NAALADL2: variants seen among roughly 807,000 people sequenced by gnomAD.
NAALADL2 encodes N-acetylated alpha-linked acidic dipeptidase like 2.
A neutral mutation model predicts 87.2 loss-of-function variants in NAALADL2; 76 were observed. The observed-to-expected ratio is 0.87, with a 90% CI of 0.72 to 1.05. NAALADL2 has a LOEUF of 1.05. Among genes scored for constraint, NAALADL2 ranks in the 50% least tolerant of loss-of-function variants. The pLI is 0.00. For synonymous variants in NAALADL2, 354 were observed against 331.0 expected (o/e 1.07, Z -0.75); for missense variants, 1,089 against 945.8 (o/e 1.15, Z -1.99).
At position 175,094,753 on chromosome 3, in the gene NAALADL2, CTATAGTGTGTGTG is replaced by C. The variant is rs767819240; in HGVS notation, c.44-2035_44-2023del. On this transcript the variant is annotated intron_variant, in intron 1 of 13. Coordinates refer to ENST00000454872, the MANE Select transcript of NAALADL2 (RefSeq NM_207015.3). ...AATGTTAAAAAAAAAGCACCAGACA[CTATAGTGTGTGTG>C]TGTGTGTGTGTGTGTGTGTGTGTGA... 5.5e-4 allele frequency among the ~76,000 whole-genome samples: 41 copies of C among 74,444 alleles called. No homozygotes were observed. In the South Asian group the frequency reaches 0.013, roughly 24 times the overall value. The allele number at this position is 74,444 out of a possible 152,430, so 48.8% of individuals were successfully genotyped here.
chr3:175,190,851 G>A (rs531135532), intron 2 of NAALADL2, among the ~76,000 whole-genome samples: 5 of 151,846 alleles, frequency 3.3e-5, no homozygotes, highest in Admixed American at 6.6e-5. Flanking sequence ...GGTGGCGGGC[G>A]CCTGTAGTCC....
At chr3:174,986,237 G>GTA (rs1161944001) in intron 1 of NAALADL2, among the ~76,000 whole-genome samples, 2 of 146,372 alleles carry the variant, frequency 1.4e-5, no homozygotes, top group South Asian at 2.1e-4. Context: ...GTAGATGTGT[G>GTA]TATATATATA....
At chr3:175,193,009 A>G (rs1738435158) in intron 2 of NAALADL2, among the ~76,000 whole-genome samples, 1 of 151,954 alleles carries the variant, frequency 6.6e-6, no homozygotes, top group Non-Finnish European at 1.5e-5. Flanking sequence ...ACTTTTTCAA[A>G]TTCACACACT....
intron 1 of NAALADL2, among the ~76,000 whole-genome samples, chr3:174,933,570 C>G (rs1304213466): frequency 6.6e-6 from 1 of 152,110 alleles, no homozygotes; most frequent in East Asian, 1.9e-4. Flanking sequence ...TTTCTTTCTT[C>G]AGGTAAAATC....
At chr3:174,625,053 C>T (rs1341116461) in intron 2 of NAALADL2, among the ~76,000 whole-genome samples, 8 of 61,888 alleles carry the variant, frequency 1.3e-4, no homozygotes, top group Middle Eastern at 6.9e-3. Context: ...ATCTCTCTCT[C>T]TCTCTTTTTT....
At chr3:175,516,002 A>G (rs1321871598) in intron 9 of NAALADL2, among the ~76,000 whole-genome samples, 1 of 152,244 alleles carries the variant, frequency 6.6e-6, no homozygotes, top group East Asian at 1.9e-4. Flanking sequence ...TAAATAAAGG[A>G]GAGGTATAGT....
chr3:175,295,126 C>G (rs7612110), intron 4 of NAALADL2, among the ~76,000 whole-genome samples: 2 of 151,912 alleles, frequency 1.3e-5, no homozygotes, highest in Admixed American at 6.6e-5. Context: ...AAATGTTAAC[C>G]TGAGTATATA....
intron 11 of NAALADL2, among the ~76,000 whole-genome samples, chr3:175,699,732 CTGAG>C (rs67306398): frequency 0.033 from 4,957 of 152,172 alleles, 265 homozygotes; most frequent in African/African-American, 0.11. Flanking sequence ...TTGAGTGCCA[CTGAG>C]TGACAATTAG....
chr3:175,390,004 CA>C (rs1311439753), intron 5 of NAALADL2, among the ~76,000 whole-genome samples: 2 of 152,074 alleles, frequency 1.3e-5, no homozygotes, highest in African/African-American at 4.8e-5. Flanking sequence ...AAGTAATTCT[CA>C]AGTTAGCAGG....
chr3:175,108,650 T>C (rs1723652217), intron 2 of NAALADL2, among the ~76,000 whole-genome samples: 1 of 151,998 alleles, frequency 6.6e-6, no homozygotes, highest in African/African-American at 2.4e-5. Context: ...AGCTGCTACA[T>C]AGATTTAAAA....
chr3:174,882,731 G>C (rs1307150528), intron 1 of NAALADL2, among the ~76,000 whole-genome samples: 3 of 143,614 alleles, frequency 2.1e-5, no homozygotes, highest in African/African-American at 5.3e-5. Flanking sequence ...GTGTATATGT[G>C]TATCTATGTG....
chr3:175,140,307 GTCAGGTAT>G (rs1418153850), intron 2 of NAALADL2, among the ~76,000 whole-genome samples: 1 of 152,140 alleles, frequency 6.6e-6, no homozygotes, highest in Non-Finnish European at 1.5e-5. Flanking sequence ...CCCATTAGAT[GTCAGGTAT>G]TCAGGTGGGA....
chr3:174,834,132 C>G (rs1221306952), intron 3 of NAALADL2, among the ~76,000 whole-genome samples: 3 of 147,526 alleles, frequency 2.0e-5, no homozygotes, highest in Non-Finnish European at 4.5e-5. Flanking sequence ...GATTTATTCC[C>G]AAATGCAAGT....
chr3:175,699,992 A>G (rs1057064491), intron 11 of NAALADL2, among the ~76,000 whole-genome samples: 16 of 152,108 alleles, frequency 1.1e-4, no homozygotes, highest in Non-Finnish European at 1.8e-4. Flanking sequence ...ATGACTTCCA[A>G]GCTGTATTTT....
At chr3:175,439,374 G>T (rs926178531) in intron 5 of NAALADL2, among the ~76,000 whole-genome samples, 1 of 151,836 alleles carries the variant, frequency 6.6e-6, no homozygotes, top group African/African-American at 2.4e-5. Flanking sequence ...GGGGTTGCTG[G>T]ATAAAATGGT....
intron 3 of NAALADL2, among the ~76,000 whole-genome samples, chr3:174,800,781 G>A (rs1045682888): frequency 6.6e-6 from 1 of 152,208 alleles, no homozygotes; most frequent in Non-Finnish European, 1.5e-5. Flanking sequence ...CAGGAGCAGA[G>A]CTGCCCAAGA....
intron 2 of NAALADL2, among the ~76,000 whole-genome samples, chr3:175,204,749 C>T (rs1408351334): frequency 6.6e-6 from 1 of 152,032 alleles, no homozygotes; most frequent in Non-Finnish European, 1.5e-5. Context: ...AGCAAATTTT[C>T]CAAATACAAG....
intron 5 of NAALADL2, among the ~76,000 whole-genome samples, chr3:175,333,100 T>C (rs1017957221): frequency 2.0e-5 from 3 of 152,160 alleles, no homozygotes; most frequent in Admixed American, 6.5e-5. Context: ...GCAGTGGGCA[T>C]GGTGTGGACA....
intron 4 of NAALADL2, among the ~76,000 whole-genome samples, chr3:175,299,921 G>T (rs950876595): frequency 5.3e-5 from 8 of 152,098 alleles, no homozygotes; most frequent in Non-Finnish European, 8.8e-5. Context: ...TTGGCTGTGG[G>T]TTTGTCATAA....
Sources: allele counts gnomAD v4.1 joint callset (sites outside exome capture counted in the v4.1 genomes callset), GRCh38; gene constraint gnomAD v4.1.1; transcripts MANE v1.5; gene names NCBI Gene and HGNC (gene_info 2026-07-23, HGNC 2026-07-21).